SOX7: variants seen among roughly 807,000 people sequenced by gnomAD.
SOX7 encodes the protein transcription factor SOX-7.
Under a neutral mutation model 24.9 loss-of-function variants are expected in SOX7, and 19 were observed. The ratio of observed to expected loss-of-function variants is 0.76; its 90% confidence interval spans 0.53 to 1.12. SOX7 has a LOEUF of 1.12. Among genes scored for constraint, SOX7 ranks in the 50% most tolerant of loss-of-function variants. SOX7 has a pLI of 0.00. For missense variants in SOX7, 702 were observed against 535.0 expected (o/e 1.31, Z -3.08); for synonymous variants, 327 against 244.5 (o/e 1.34, Z -3.15).
chr8:10,729,167 G>C (rs927236431), intron 1 of SOX7: 2 of 152,210 alleles, frequency 1.3e-5, no homozygotes, highest in African/African-American at 4.8e-5. Flanking sequence ...AGAAAGAGGG[G>C]CGTCAGTCCT....
In SOX7 at chr8:10,725,735, G is replaced by T; in HGVS notation, c.*3C>A. 3 of 1,614,114 alleles carry T rather than the reference G, an allele frequency of 1.9e-6. No individual in the cohort carries two copies. Among genetic ancestry groups the T allele is most frequent in the Non-Finnish European group, 2.5e-6 (3 of 1,180,010 alleles). On this transcript the variant is annotated 3_prime_UTR_variant, in exon 2 of 2. Transcript: ENST00000304501. ...GGGCTGACCGGACGGGGCGCCTCCAGCTCTATGACACACTGTAGCTGTTGT... is the reference window on the plus strand; with the variant it reads ...GGGCTGACCGGACGGGGCGCCTCCATCTCTATGACACACTGTAGCTGTTGT...
chr8:10,729,059 C>G (rs1800209828), intron 1 of SOX7, among the ~76,000 whole-genome samples: 1 of 152,244 alleles, frequency 6.6e-6, no homozygotes, highest in African/African-American at 2.4e-5. Flanking sequence ...AGGCTGGGCC[C>G]TTGGCAACCA....
In SOX7 at chr8:10,725,836, C is replaced by G. The variant is rs764516506; in HGVS notation, c.1069G>C (p.Val357Leu). 2 of 1,614,208 alleles carry G rather than the reference C, an allele frequency of 1.2e-6. No homozygotes were observed. Among genetic ancestry groups the G allele is most frequent in the African/African-American group, 1.3e-5 (1 of 75,052 alleles). Residue 357 changes from valine (V) to leucine (L), a missense_variant, in exon 2 of 2, where the codon GTC becomes CTC. Physicochemically the swap from Val to Leu is conservative, Grantham distance 32. Coordinates refer to ENST00000304501, the MANE Select transcript of SOX7 (RefSeq NM_031439.4). ...GGACCCGTTGGTGTCACCTGGGAGACCGGAACATGCCCACTGAGGGCCATG... is the reference window on the plus strand; with the variant it reads ...GGACCCGTTGGTGTCACCTGGGAGAGCGGAACATGCCCACTGAGGGCCATG... ...GAMALSGHVP[V>L]SQVTPTGPTE...
rs1246394977 is a variant in SOX7 at position 10,724,972 on chromosome 8, T to G, written c.*766A>C. 6.6e-6 allele frequency: 1 copy of G among 152,258 alleles called. No individual in the cohort carries two copies. Among genetic ancestry groups the G allele is most frequent in the Non-Finnish European group, 1.5e-5 (1 of 68,106 alleles). 9.4% of individuals were successfully genotyped at this position (152,258 alleles called of 1,614,324 possible). ...CCTGACCTCAGGTGATCCACATGCC[T>G]CGGCCTCCCAAAGTGCTGGGATTAC... On this transcript the variant is annotated 3_prime_UTR_variant, in exon 2 of 2. Coordinates refer to ENST00000304501, the MANE Select transcript of SOX7 (RefSeq NM_031439.4).
chr8:10,724,010 T>A lies in SOX7; in HGVS notation c.*1728A>T, dbSNP rs1297033922. ...TAGCATAAAGAGTAATCATACCTTA[T>A]AAGTGATTTTACAATAGGACATCTT... On this transcript the variant is annotated 3_prime_UTR_variant, in exon 2 of 2. Transcript: ENST00000304501. 1.3e-5 allele frequency: 2 copies of A among 152,372 alleles called. No individual in the cohort carries two copies. Among genetic ancestry groups the A allele is most frequent in the East Asian group, 3.8e-4 (2 of 5,206 alleles). 9.4% of individuals were successfully genotyped at this position (152,372 alleles called of 1,614,324 possible).
chr8:10,728,802 C>T (rs1318755859), intron 1 of SOX7, among the ~76,000 whole-genome samples: 4 of 152,202 alleles, frequency 2.6e-5, no homozygotes, highest in Non-Finnish European at 2.9e-5. Flanking sequence ...GCAGGGTCAA[C>T]AGGCACAGTG....
In SOX7 at chr8:10,725,362, A is replaced by G. The variant is rs1800121165; in HGVS notation, c.*376T>C. On this transcript the variant is annotated 3_prime_UTR_variant, in exon 2 of 2. Coordinates refer to ENST00000304501, the MANE Select transcript of SOX7 (RefSeq NM_031439.4). Reference sequence around the variant, plus strand: ...ATCTTCCTTTATTAATCTTGAGAGAACCCTAAATCAGAAAACTGGACCAGA... The same window carrying G: ...ATCTTCCTTTATTAATCTTGAGAGAGCCCTAAATCAGAAAACTGGACCAGA... The G allele has an allele frequency of 8.3e-6, 2 of 241,796 alleles. No individual in the cohort carries two copies. Among genetic ancestry groups the G allele is most frequent in the South Asian group, 1.4e-4 (2 of 14,474 alleles). The allele number at this position is 241,796 out of a possible 1,614,324, so 15.0% of individuals were successfully genotyped here.
Position 10,724,492 on chromosome 8 carries a change from CT to C in SOX7, c.*1245del. The C allele has an allele frequency of 6.6e-6, 1 of 152,384 alleles. No individual in the cohort carries two copies. Among genetic ancestry groups the C allele is most frequent in the Non-Finnish European group, 1.5e-5 (1 of 68,074 alleles). The allele number at this position is 152,384 out of a possible 1,614,324, so 9.4% of individuals were successfully genotyped here. A position where few individuals can be genotyped will look rare whatever the true frequency, so the allele number is the denominator to read the frequency against. The stretch of plus-strand genomic sequence containing the variant: ...CTGGAGACAGCCGGGAAGGAAGCAC[CT>C]TTTGAATCTACAGAGGGGAAAGTGT... On this transcript the variant is annotated 3_prime_UTR_variant, in exon 2 of 2. Coordinates refer to ENST00000304501, the MANE Select transcript of SOX7 (RefSeq NM_031439.4).
chr8:10,726,455 G>A lies in SOX7; in HGVS notation c.450C>T (p.Ser150=). The A allele has an allele frequency of 1.2e-6, 2 of 1,612,300 alleles. No homozygotes were observed. Among genetic ancestry groups the A allele is most frequent in the Non-Finnish European group, 1.7e-6 (2 of 1,179,804 alleles). The change falls in exon 2 of 2, where the codon AGC becomes AGT. Residue 150 remains serine, a synonymous_variant. Coordinates refer to ENST00000304501, the MANE Select transcript of SOX7 (RefSeq NM_031439.4). ...TCTCCCCCAGCGCCCCCCGGCTGCC[G>A]CTTCTCTTCTCCGGCAGGGCGTTCT... is the stretch of plus-strand genomic sequence containing the variant. ...RDQNALPEKR[S]GSRGALGEKE...
At chr8:10,728,823 G>A (rs374852583) in intron 1 of SOX7, among the ~76,000 whole-genome samples, 15 of 152,134 alleles carry the variant, frequency 9.9e-5, no homozygotes, top group East Asian at 5.8e-4. Flanking sequence ...CCCACGGTCC[G>A]TGGAAAAAAA....
At position 10,724,569 on chromosome 8, in the gene SOX7, G is replaced by A. The variant is rs1800104644; in HGVS notation, c.*1169C>T. On this transcript the variant is annotated 3_prime_UTR_variant, in exon 2 of 2. Coordinates refer to ENST00000304501, the MANE Select transcript of SOX7 (RefSeq NM_031439.4). Reference sequence around the variant, plus strand: ...TTGCTTGGTTGCAAAGTCCTTTTAGGTACCCTGGGTCTTTGGTCATTAGAA... The same window carrying A: ...TTGCTTGGTTGCAAAGTCCTTTTAGATACCCTGGGTCTTTGGTCATTAGAA... 1 of 152,150 alleles carries A rather than the reference G, an allele frequency of 6.6e-6. No homozygotes were observed. The highest frequency in any genetic ancestry group is 1.5e-5 in the Non-Finnish European group (1 of 68,036). The allele number at this position is 152,150 out of a possible 1,614,324, so 9.4% of individuals were successfully genotyped here. A position where few individuals can be genotyped will look rare whatever the true frequency, so the allele number is the denominator to read the frequency against.
At chr8:10,728,470 G>A (rs1365711253) in intron 1 of SOX7, among the ~76,000 whole-genome samples, 1 of 152,194 alleles carries the variant, frequency 6.6e-6, no homozygotes, top group East Asian at 1.9e-4. Flanking sequence ...CTACTAACAG[G>A]TGCACAAGTC....
rs1489423957 is a variant in SOX7, at chr8:10,723,948, C to T, written c.*1790G>A. 1 of 152,556 alleles carries T rather than the reference C, an allele frequency of 6.6e-6. No homozygotes were observed. The highest frequency in any genetic ancestry group is 1.5e-5 in the Non-Finnish European group (1 of 68,030). The allele number at this position is 152,556 out of a possible 1,614,324, so 9.5% of individuals were successfully genotyped here. A position where few individuals can be genotyped will look rare whatever the true frequency, so the allele number is the denominator to read the frequency against. ...GCGCATCAGTCAATCATATCATCAA[C>T]AATTTACTATTTATTACCAAATGGC... On this transcript the variant is annotated 3_prime_UTR_variant, in exon 2 of 2. Coordinates refer to ENST00000304501, the MANE Select transcript of SOX7 (RefSeq NM_031439.4).
intron 1 of SOX7, among the ~76,000 whole-genome samples, chr8:10,729,135 C>CG (rs1800211092): frequency 6.6e-6 from 1 of 152,178 alleles, no homozygotes; most frequent in South Asian, 2.1e-4. Flanking sequence ...ACCCCCTCTG[C>CG]GGGCCTGCGG....
At chr8:10,728,223 A>C (rs1373372536) in intron 1 of SOX7, among the ~76,000 whole-genome samples, 2 of 152,224 alleles carry the variant, frequency 1.3e-5, no homozygotes, top group East Asian at 3.9e-4. Context: ...TATATAACTA[A>C]TAAAATACGT....
chr8:10,725,818 T>G lies in SOX7; in HGVS notation c.1087A>C (p.Thr363Pro), dbSNP rs761521937. ...ATGAGGCTGGTCTCTGTGGGACCCG[T>G]TGGTGTCACCTGGGAGACCGGAACA... is the stretch of plus-strand genomic sequence containing the variant. ...GHVPVSQVTP[T>P]GPTETSLISV... Residue 363 changes from threonine to proline, a missense_variant, in exon 2 of 2, where the codon ACG becomes CCG. By Grantham distance (38) the Thr-to-Pro change is conservative (BLOSUM62 -1). Coordinates refer to ENST00000304501, the MANE Select transcript of SOX7 (RefSeq NM_031439.4). 1 of 1,614,180 alleles carries G rather than the reference T, an allele frequency of 6.2e-7. No homozygotes were observed. Among genetic ancestry groups the G allele is most frequent in the South Asian group, 1.1e-5 (1 of 91,082 alleles).
chr8:10,723,985 T>C lies in SOX7; in HGVS notation c.*1753A>G, dbSNP rs969861673. 4.6e-5 allele frequency: 7 copies of C among 152,500 alleles called. No individual in the cohort carries two copies. The highest frequency in any genetic ancestry group is 1.7e-4 in the African/African-American group (7 of 41,442). The allele number at this position is 152,500 out of a possible 1,614,324, so 9.4% of individuals were successfully genotyped here. On this transcript the variant is annotated 3_prime_UTR_variant, in exon 2 of 2. Coordinates refer to ENST00000304501, the MANE Select transcript of SOX7 (RefSeq NM_031439.4). ...TATTACCAAATGGCATATAAAGTAA[T>C]AGCATAAAGAGTAATCATACCTTAT...
chr8:10,730,200 C>A lies in SOX7; in HGVS notation c.234G>T (p.Met78Ile). 1 of 1,531,784 alleles carries A rather than the reference C, an allele frequency of 6.5e-7. No homozygotes were observed. The highest frequency in any genetic ancestry group is 8.7e-7 in the Non-Finnish European group (1 of 1,144,322). 94.9% of individuals were successfully genotyped at this position (1,531,784 alleles called of 1,614,324 possible). Residue 78 changes from methionine (M) to isoleucine (I), a missense_variant, in exon 1 of 2, where the codon ATG (methionine) becomes ATT (isoleucine). By Grantham distance (10) the Met-to-Ile change is conservative. Coordinates refer to ENST00000304501, the MANE Select transcript of SOX7 (RefSeq NM_031439.4). This position sits in a 1 kb window ranked among gnomAD's most constrained non-coding sequence, Gnocchi z 4.8. ...PDLHNAELSKMLGKSWKALTL... is the reference protein window; with the variant it reads ...PDLHNAELSKILGKSWKALTL... ...CTCGGCCGCGCGCTCACTCACCCAG[C>A]ATCTTGCTGAGCTCGGCGTTGTGCA... is the stretch of plus-strand genomic sequence containing the variant.
chr8:10,730,148 CGCCG>C lies in SOX7; in HGVS notation c.238+44_238+47del. ...CCGCCCTGCAGTGCCGCCAGCCGCC[CGCCG>C]CCCGCCCCCGGCCCCCAGCCCGCTC... is the stretch of plus-strand genomic sequence containing the variant. On this transcript the variant is annotated intron_variant, in intron 1 of 1. Transcript: ENST00000304501. This position sits in a 1 kb window ranked among gnomAD's most constrained non-coding sequence, Gnocchi z 4.8. The C allele has an allele frequency of 8.3e-6, 11 of 1,324,380 alleles. No individual in the cohort carries two copies. The highest frequency in any genetic ancestry group is 1.1e-5 in the Non-Finnish European group (11 of 1,023,490). The allele number at this position is 1,324,380 out of a possible 1,614,324, so 82.0% of individuals were successfully genotyped here. A position where few individuals can be genotyped will look rare whatever the true frequency, so the allele number is the denominator to read the frequency against.
Sources: gnomAD v4.1 joint callset for allele counts (sites outside exome capture counted in the v4.1 genomes callset) on GRCh38, gnomAD v4.1.1 for gene constraint, Gnocchi (gnomAD v3.1) non-coding constraint, MANE v1.5 for transcripts, NCBI Gene and HGNC (gene_info 2026-07-23, HGNC 2026-07-21) for gene names.